Variants in MACROD2 observed in about 807,000 individuals in gnomAD.
MACROD2 encodes mono-ADP ribosylhydrolase 2.
Under a neutral mutation model 70.4 loss-of-function variants are expected in MACROD2, and 36 were observed. The ratio of observed to expected loss-of-function variants is 0.51; its 90% confidence interval spans 0.39 to 0.68. The LOEUF is 0.68. MACROD2 is among the 30% of genes least tolerant of loss of function. The probability of loss-of-function intolerance (pLI) is 0.00; values close to 1 mark genes in which losing one functional copy is unlikely to be tolerated. For synonymous variants in MACROD2, 172 were observed against 178.8 expected, an observed-to-expected ratio of 0.96 and a Z score of 0.30; for missense variants, 496 against 538.4, an observed-to-expected ratio of 0.92 and a Z score of 0.78.
chr20:14,027,290 C>T (rs1016425427), intron 2 of MACROD2, among the ~76,000 whole-genome samples: 3 of 152,044 alleles, frequency 2.0e-5, no homozygotes, highest in Non-Finnish European at 4.4e-5. Context: ...AGTTCTCGTG[C>T]TGTGTTTTTC....
intron 2 of MACROD2, among the ~76,000 whole-genome samples, chr20:14,051,167 TA>T (rs1856203752): frequency 6.6e-6 from 1 of 152,120 alleles, no homozygotes; most frequent in African/African-American, 2.4e-5. Context: ...TATGAAACAC[TA>T]ATAATGGTTA....
intron 7 of MACROD2, among the ~76,000 whole-genome samples, chr20:15,488,791 C>A (rs1188730347): frequency 6.6e-6 from 1 of 152,122 alleles, no homozygotes; most frequent in African/African-American, 2.4e-5. Flanking sequence ...GGAAAATGTT[C>A]TTTTAAAAAA....
intron 5 of MACROD2, among the ~76,000 whole-genome samples, chr20:14,975,186 C>T (rs927050147): frequency 6.6e-6 from 1 of 151,960 alleles, no homozygotes; most frequent in African/African-American, 2.4e-5. Context: ...GGTGCCAAAG[C>T]AAAATCACCC....
At chr20:15,387,346 C>G (rs2045728052) in intron 6 of MACROD2, among the ~76,000 whole-genome samples, 1 of 144,956 alleles carries the variant, frequency 6.9e-6, no homozygotes, top group African/African-American at 2.5e-5. Context: ...TTCCTTCCCT[C>G]TCTGCTTCTA....
At chr20:14,880,120 G>A (rs1049272036) in intron 5 of MACROD2, among the ~76,000 whole-genome samples, 3 of 152,194 alleles carry the variant, frequency 2.0e-5, no homozygotes, top group Middle Eastern at 3.4e-3. Flanking sequence ...GCTCTGACTT[G>A]AGACGCAGAA....
intron 5 of MACROD2, among the ~76,000 whole-genome samples, chr20:14,831,923 T>TTTTTTTTTTTTTTTTTGA (rs1568821844): frequency 4.7e-5 from 7 of 148,432 alleles, no homozygotes; most frequent in Non-Finnish European, 9.0e-5. Context: ...GTTATGTTCT[T>TTTTTTTTTTTTTTTTTGA]GGGGATGCAT....
At chr20:14,456,278 T>C (rs954973395) in intron 3 of MACROD2, among the ~76,000 whole-genome samples, 1 of 151,884 alleles carries the variant, frequency 6.6e-6, no homozygotes, top group Admixed American at 6.5e-5. Flanking sequence ...ATTTCACTTT[T>C]ATAATCATCT....
At chr20:14,571,718 C>T (rs747329175) in intron 4 of MACROD2, among the ~76,000 whole-genome samples, 1 of 151,972 alleles carries the variant, frequency 6.6e-6, no homozygotes, top group Non-Finnish European at 1.5e-5. Context: ...GATAGGCATT[C>T]TATTAAAATC....
At chr20:15,573,398 C>T (rs2048401356) in intron 8 of MACROD2, among the ~76,000 whole-genome samples, 1 of 152,104 alleles carries the variant, frequency 6.6e-6, no homozygotes, top group South Asian at 2.1e-4. Flanking sequence ...AGTACGTGCA[C>T]AGATTTCAAA....
intron 3 of MACROD2, among the ~76,000 whole-genome samples, chr20:14,386,246 A>G (rs915992724): frequency 1.3e-5 from 2 of 152,290 alleles, no homozygotes; most frequent in African/African-American, 2.4e-5. Context: ...ATGTACAGCT[A>G]TGGTGCACAG....
intron 5 of MACROD2, among the ~76,000 whole-genome samples, chr20:15,030,779 A>C (rs1166553509): frequency 6.6e-6 from 1 of 152,250 alleles, no homozygotes; most frequent in African/African-American, 2.4e-5. Context: ...AAGTAGCAGC[A>C]GCAAAACTGG....
intron 3 of MACROD2, among the ~76,000 whole-genome samples, chr20:14,427,980 C>T (rs551392091): frequency 6.6e-6 from 1 of 152,188 alleles, no homozygotes; most frequent in East Asian, 1.9e-4. Context: ...TTATTTGTAA[C>T]CTTATCATAA....
chr20:15,572,736 C>T (rs1451166780), intron 8 of MACROD2, among the ~76,000 whole-genome samples: 6 of 151,996 alleles, frequency 3.9e-5, no homozygotes, highest in Non-Finnish European at 7.4e-5. Flanking sequence ...ATGTGAAAAG[C>T]GATTCTGCTA....
intron 2 of MACROD2, among the ~76,000 whole-genome samples, chr20:14,026,287 T>C (rs1313767438): frequency 2.0e-5 from 3 of 152,250 alleles, no homozygotes; most frequent in Non-Finnish European, 4.4e-5. Context: ...GAGTCTTGAC[T>C]CTTTATCCAA....
intron 9 of MACROD2, among the ~76,000 whole-genome samples, chr20:15,863,135 G>T (rs2147165358): frequency 6.6e-6 from 1 of 152,180 alleles, no homozygotes; most frequent in Middle Eastern, 3.4e-3. Flanking sequence ...TAAATTGCAT[G>T]ATGTGTGATT....
chr20:14,860,315 A>G (rs943095185), intron 5 of MACROD2, among the ~76,000 whole-genome samples: 1 of 152,116 alleles, frequency 6.6e-6, no homozygotes, highest in Non-Finnish European at 1.5e-5. Flanking sequence ...CAAAAATTTA[A>G]GGAAAAGAAT....
chr20:14,649,293 C>G (rs527566776), intron 4 of MACROD2, among the ~76,000 whole-genome samples: 1 of 152,258 alleles, frequency 6.6e-6, no homozygotes, highest in South Asian at 2.1e-4. Flanking sequence ...GAGGGTAGCA[C>G]TAGTGAAACT....
At chr20:15,522,848 T>G (rs916439791) in intron 8 of MACROD2, among the ~76,000 whole-genome samples, 1 of 152,312 alleles carries the variant, frequency 6.6e-6, no homozygotes, top group East Asian at 1.9e-4. Context: ...GCCTGCCTTT[T>G]GGATCTAGGA....
chr20:15,257,904 C>T (rs1358661856), intron 6 of MACROD2, among the ~76,000 whole-genome samples: 1 of 151,870 alleles, frequency 6.6e-6, no homozygotes, highest in Admixed American at 6.6e-5. Context: ...CAGCTCCCTG[C>T]GTGTTATTGC....
Sources: allele counts gnomAD v4.1 joint callset (sites outside exome capture counted in the v4.1 genomes callset), GRCh38; gene constraint gnomAD v4.1.1; transcripts MANE v1.5; gene names NCBI Gene and HGNC (gene_info 2026-07-23, HGNC 2026-07-21).